Variants in PAPLN observed in about 807,000 individuals in gnomAD.
PAPLN encodes the protein papilin.
A neutral mutation model predicts 159.0 loss-of-function variants in PAPLN; 146 were observed. The observed-to-expected ratio is 0.92, with a 90% CI of 0.80 to 1.05. The LOEUF (loss-of-function observed/expected upper bound fraction) is 1.05. PAPLN is among the 50% of genes least tolerant of loss of function. The pLI is 0.00. For synonymous variants in PAPLN, 734 were observed against 702.9 expected, an observed-to-expected ratio of 1.04 and a Z score of -0.70; for missense variants, 1,720 against 1,743.9, an observed-to-expected ratio of 0.99 and a Z score of 0.24.
chr14:73,240,722 C>T (rs951337731), intron 2 of PAPLN, among the ~76,000 whole-genome samples: 2 of 152,216 alleles, frequency 1.3e-5, no homozygotes, highest in East Asian at 3.8e-4. Context: ...TTAACAGGGG[C>T]CCAAAGGCCA....
intron 13 of PAPLN, 68 bp from the exon 14 acceptor site, chr14:73,254,809 T>C: frequency 6.3e-7 from 1 of 1,595,696 alleles, no homozygotes; most frequent in East Asian, 2.2e-5. Flanking sequence ...CCCCTGCCTC[T>C]CTCCATGTGG....
At position 73,272,664 on chromosome 14, in the gene PAPLN, G is replaced by A. The variant is rs1887845754; in HGVS notation, c.3837G>A (p.Ter1279=). The A allele has an allele frequency of 3.2e-6, 5 of 1,567,356 alleles. No homozygotes were observed. The highest frequency in any genetic ancestry group is 4.4e-6 in the Non-Finnish European group (5 of 1,145,240). ...CTCACGCTCAGCCCATCTGGCAGTA[G>A]GGATGAAGGCTAGTTCCAGCCCCAG... ...FQPHAQPIWQ[*] The change falls in exon 27 of 27, where the codon TAG becomes TAA. Residue 1279 remains the stop codon, a stop_retained_variant. Coordinates refer to ENST00000644200, the MANE Select transcript of PAPLN (RefSeq NM_001365906.3).
In PAPLN at chr14:73,258,978, G is replaced by A. The variant is rs1447929632; in HGVS notation, c.1628-1G>A. 6.2e-7 allele frequency: 1 copy of A among 1,609,328 alleles called. No individual in the cohort carries two copies. Among genetic ancestry groups the A allele is most frequent in the Non-Finnish European group, 8.5e-7 (1 of 1,177,696 alleles). On this transcript the variant is annotated splice_acceptor_variant, in intron 14 of 26. Transcript: ENST00000644200. LOFTEE classifies it high-confidence loss of function. Reference sequence around the variant, plus strand: ...CACATGGACCTCCCGGCTCCCTGCAGAGGTCCCCAGCATGCAGGATGTGCA... The same window carrying A: ...CACATGGACCTCCCGGCTCCCTGCAAAGGTCCCCAGCATGCAGGATGTGCA...
chr14:73,253,460 T>G (rs1885534323), intron 11 of PAPLN, among the ~76,000 whole-genome samples: 1 of 151,474 alleles, frequency 6.6e-6, no homozygotes, highest in Non-Finnish European at 1.5e-5. Context: ...AGGAATGGAG[T>G]CTGACTGGGA....
rs1330067207 is a variant in PAPLN, at chr14:73,245,989, G to A, written c.232-84G>A. Reference sequence around the variant, plus strand: ...ATGGGGCAGGCAAGGGAGACTCCTGGGCTCCCTGGGCTCGGGCGGGGCGGG... The same window carrying A: ...ATGGGGCAGGCAAGGGAGACTCCTGAGCTCCCTGGGCTCGGGCGGGGCGGG... On this transcript the variant is annotated intron_variant, in intron 4 of 26. Transcript: ENST00000644200. This position sits in a 1 kb window ranked among gnomAD's most constrained non-coding sequence, Gnocchi z 4.2. 8 of 1,344,992 alleles carry A rather than the reference G, an allele frequency of 5.9e-6. No homozygotes were observed. The highest frequency in any genetic ancestry group is 7.9e-6 in the Non-Finnish European group (8 of 1,013,300). 83.3% of individuals were successfully genotyped at this position (1,344,992 alleles called of 1,614,324 possible).
chr14:73,245,421 A>G lies in PAPLN; in HGVS notation c.171-215A>G. The G allele has an allele frequency of 5.2e-6, 3 of 575,750 alleles. No homozygotes were observed. Among genetic ancestry groups the G allele is most frequent in the Non-Finnish European group, 6.2e-6 (2 of 322,314 alleles). 35.7% of individuals were successfully genotyped at this position (575,750 alleles called of 1,614,324 possible). A position where few individuals can be genotyped will look rare whatever the true frequency, so the allele number is the denominator to read the frequency against. On this transcript the variant is annotated intron_variant, in intron 3 of 26. Coordinates refer to ENST00000644200, the MANE Select transcript of PAPLN (RefSeq NM_001365906.3). The surrounding 1 kb of genome is among the most constrained non-coding windows in gnomAD (Gnocchi z 4.2). ...TGGTCCCGCCTTAAATCCAAACTAT[A>G]GGGTGGGTAGGGCTCTGAGTCCCGC...
At position 73,239,931 on chromosome 14, in the gene PAPLN, G is replaced by A. The variant is rs1333257897; in HGVS notation, c.54+99G>A. 3 of 1,458,958 alleles carry A rather than the reference G, an allele frequency of 2.1e-6. No homozygotes were observed. The Admixed American group carries it at 7.2e-5, about 35-fold the overall frequency. 90.4% of individuals were successfully genotyped at this position (1,458,958 alleles called of 1,614,324 possible). On this transcript the variant is annotated intron_variant, in intron 2 of 26. Coordinates refer to ENST00000644200, the MANE Select transcript of PAPLN (RefSeq NM_001365906.3). ...GCAACGTCCCCAGGAAAGGGGCGAT[G>A]TCAGGGAAGCTGGGCTGGGAGGAGG...
chr14:73,271,478 AAG>A (rs1887713108), intron 26 of PAPLN, among the ~76,000 whole-genome samples: 1 of 151,862 alleles, frequency 6.6e-6, no homozygotes, highest in South Asian at 2.1e-4. Context: ...CCCCTTCCAG[AAG>A]AGAGATGAAG....
intron 1 of PAPLN, among the ~76,000 whole-genome samples, chr14:73,238,872 A>AT (rs1277961428): frequency 6.6e-6 from 1 of 152,226 alleles, no homozygotes; most frequent in East Asian, 1.9e-4. Flanking sequence ...CATTGGTAGA[A>AT]TTACAGATTT....
chr14:73,270,140 C>T (rs1228446244), intron 26 of PAPLN, among the ~76,000 whole-genome samples: 1 of 152,222 alleles, frequency 6.6e-6, no homozygotes, highest in African/African-American at 2.4e-5. Flanking sequence ...GCTTCGCCAG[C>T]CCGCCGCCTT....
chr14:73,256,907 A>T (rs177391), intron 14 of PAPLN, among the ~76,000 whole-genome samples: 95,409 of 152,002 alleles, frequency 0.63, 31,561 homozygotes, highest in African/African-American at 0.85. Flanking sequence ...TTAAAAAAAA[A>T]AATAATAAAA....
At chr14:73,267,202 C>T (rs920302345) in intron 25 of PAPLN, among the ~76,000 whole-genome samples, 2 of 152,212 alleles carry the variant, frequency 1.3e-5, no homozygotes, top group African/African-American at 4.8e-5. Flanking sequence ...TGGCTCCAGA[C>T]CCACTGCCAA....
chr14:73,255,671 G>C (rs1343785840), intron 14 of PAPLN, among the ~76,000 whole-genome samples: 1 of 152,124 alleles, frequency 6.6e-6, no homozygotes, highest in Non-Finnish European at 1.5e-5. Context: ...TGGGGATGGG[G>C]GTGGGTGGGT....
Position 73,262,435 on chromosome 14 carries a change from C to G in PAPLN, c.2331C>G (p.Gly777=). The change falls in exon 19 of 27, where the codon GGC becomes GGG. Residue 777 remains glycine (G), a synonymous_variant. Transcript: ENST00000644200. ...GCTGGTACTTCGTTGCCTCTGTGGGCCAATGTAACCGCTTCTGGTATGGCG... is the reference window on the plus strand; with the variant it reads ...GCTGGTACTTCGTTGCCTCTGTGGGGCAATGTAACCGCTTCTGGTATGGCG... ...AARWYFVASV[G]QCNRFWYGGC... 6.2e-7 allele frequency: 1 copy of G among 1,613,876 alleles called. No individual in the cohort carries two copies. Among genetic ancestry groups the G allele is most frequent in the Non-Finnish European group, 8.5e-7 (1 of 1,179,870 alleles).
rs2003632 is a variant in PAPLN at position 73,273,478 on chromosome 14, C to A, written c.*814C>A. 11 of 150,538 alleles carry A rather than the reference C, an allele frequency of 7.3e-5. No individual in the cohort carries two copies. Among genetic ancestry groups the A allele is most frequent in the African/African-American group, 2.7e-4 (11 of 40,778 alleles). 9.3% of individuals were successfully genotyped at this position (150,538 alleles called of 1,614,324 possible). On this transcript the variant is annotated 3_prime_UTR_variant, in exon 27 of 27. Transcript: ENST00000644200. Reference sequence around the variant, plus strand: ...GCTAATTTTGTATTTTTAGTAGAGACGGGGTTTCTCCATGTTGGTCAGACT... The same window carrying A: ...GCTAATTTTGTATTTTTAGTAGAGAAGGGGTTTCTCCATGTTGGTCAGACT...
chr14:73,261,284 GC>G lies in PAPLN; in HGVS notation c.2238del (p.Ser747AlafsTer55), dbSNP rs758477380. 3 of 1,613,602 alleles carry G rather than the reference GC, an allele frequency of 1.9e-6. No homozygotes were observed. In the African/African-American group the frequency reaches 4.0e-5, roughly 22 times the overall value. On this transcript the variant is annotated frameshift_variant, in exon 18 of 27. Transcript: ENST00000644200. LOFTEE classifies it high-confidence loss of function. ...GPLGEGCVGQ[P>X]SHAYPVRCLL... ...CTCTTGGGGAAGGCTGTGTGGGCCAGCCCAGCCATGGTGAGTGGACACCCCC... is the reference window on the plus strand; with the variant it reads ...CTCTTGGGGAAGGCTGTGTGGGCCAGCCAGCCATGGTGAGTGGACACCCCC...
rs757576969 is a variant in PAPLN, at chr14:73,261,180, GC to G, written c.2134del (p.Gln712SerfsTer90). 2 of 1,614,080 alleles carry G rather than the reference GC, an allele frequency of 1.2e-6. No homozygotes were observed. Among genetic ancestry groups the G allele is most frequent in the Admixed American group, 3.3e-5 (2 of 60,014 alleles). ...STVHNTHQPQ[A>X]QQNEPSECRG... The stretch of plus-strand genomic sequence containing the variant: ...GGTCCACAACACCCACCAGCCCCAG[GC>G]CCAGCAGAATGAGCCCAGTGAGTGC... On this transcript the variant is annotated frameshift_variant, in exon 18 of 27. Transcript: ENST00000644200. LOFTEE classifies it high-confidence loss of function.
In PAPLN at chr14:73,265,662, G is replaced by A. The variant is rs1243689852; in HGVS notation, c.3263+155G>A. On this transcript the variant is annotated intron_variant, in intron 23 of 26. Transcript: ENST00000644200. This position sits in a 1 kb window ranked among gnomAD's most constrained non-coding sequence, Gnocchi z 4.1. ...GAGAGATGGAGCAGCTGGGCAAAGG[G>A]CTCCTTGGGTTGGCTAACATTTGAG... Among the ~76,000 whole-genome samples the A allele has an allele frequency of 6.6e-6, 1 of 152,236 alleles. No individual in the cohort carries two copies. Among genetic ancestry groups the A allele is most frequent in the Non-Finnish European group, 1.5e-5 (1 of 68,048 alleles).
At position 73,266,558 on chromosome 14, in the gene PAPLN, C is replaced by T. The variant is rs1464271958; in HGVS notation, c.3321C>T (p.Gly1107=). 11 of 1,614,044 alleles carry T rather than the reference C, an allele frequency of 6.8e-6. No homozygotes were observed. The highest frequency in any genetic ancestry group is 1.3e-5 in the African/African-American group (1 of 74,936). The change falls in exon 24 of 27, where the codon GGC becomes GGT. Residue 1107 remains glycine, a synonymous_variant. Coordinates refer to ENST00000644200, the MANE Select transcript of PAPLN (RefSeq NM_001365906.3). ...LVISRVAVED[G]GFYTCVAFNG... is the part of the protein sequence containing the mutation. Reference sequence around the variant, plus strand: ...TTAGCCGAGTGGCTGTAGAAGATGGCGGCTTCTACACCTGTGTCGCTTTCA... The same window carrying T: ...TTAGCCGAGTGGCTGTAGAAGATGGTGGCTTCTACACCTGTGTCGCTTTCA...
Sources: allele counts gnomAD v4.1 joint callset (sites outside exome capture counted in the v4.1 genomes callset), GRCh38; gene constraint gnomAD v4.1.1; non-coding constraint Gnocchi (gnomAD v3.1); transcripts MANE v1.5; gene names NCBI Gene and HGNC (gene_info 2026-07-23, HGNC 2026-07-21).